The following MRPL45 variants were observed in gnomAD, a reference collection of about 807,000 sequenced individuals.
MRPL45 encodes mitochondrial ribosomal protein L45.
A neutral mutation model predicts 38.1 loss-of-function variants in MRPL45; 20 were observed. That is an observed-to-expected ratio of 0.53 (90% CI 0.37 to 0.76). The LOEUF is 0.76. Among genes scored for constraint, MRPL45 ranks in the 30% least tolerant of loss-of-function variants. The probability of loss-of-function intolerance (pLI) is 0.00; values close to 1 mark genes in which losing one functional copy is unlikely to be tolerated. For missense variants in MRPL45, 337 were observed against 395.6 expected, an observed-to-expected ratio of 0.85 and a Z score of 1.26; for synonymous variants, 105 against 128.8, an observed-to-expected ratio of 0.82 and a Z score of 1.25.
intron 3 of MRPL45, among the ~76,000 whole-genome samples, chr17:38,304,994 G>T (rs928145530): frequency 6.6e-6 from 1 of 151,410 alleles, no homozygotes. Context: ...CTACAGGCAC[G>T]TGCCATCACG....
chr17:38,319,415 C>T (rs2037208933), intron 5 of MRPL45, among the ~76,000 whole-genome samples: 1 of 151,810 alleles, frequency 6.6e-6, no homozygotes, highest in Non-Finnish European at 1.5e-5. Context: ...GTGATCCGCC[C>T]GCCTCGGCCT....
intron 6 of MRPL45, 45 bp from the exon 7 acceptor site, chr17:38,322,081 C>T (rs2037234986): frequency 1.3e-6 from 2 of 1,585,724 alleles, no homozygotes; most frequent in African/African-American, 2.7e-5. Context: ...CTCACACTCA[C>T]ACACCAAAAA....
intron 6 of MRPL45, among the ~76,000 whole-genome samples, chr17:38,321,614 C>A (rs1336574626): frequency 6.6e-6 from 1 of 151,996 alleles, no homozygotes; most frequent in Non-Finnish European, 1.5e-5. Context: ...TCGCTTGAAC[C>A]TGGAAGGCGG....
chr17:38,314,843 T>C (rs1481223056), intron 4 of MRPL45, among the ~76,000 whole-genome samples: 3 of 152,236 alleles, frequency 2.0e-5, no homozygotes, highest in Non-Finnish European at 4.4e-5. Context: ...ACAGTGGTTT[T>C]TGCAGAAATA....
rs770930141 is a variant in MRPL45, at chr17:38,297,177, G to C, written c.-7G>C. 1 of 1,614,166 alleles carries C rather than the reference G, an allele frequency of 6.2e-7. No individual in the cohort carries two copies. Among genetic ancestry groups the C allele is most frequent in the South Asian group, 1.1e-5 (1 of 91,092 alleles). ...GCTCCCTTCCCGGCGGCCTTTGCGG[G>C]AACAAGATGGCAGCCCCCATACCTC... On this transcript the variant is annotated 5_prime_UTR_variant, in exon 1 of 8. Transcript: ENST00000613675.
At chr17:38,309,623 AT>A (rs1476771972) in intron 4 of MRPL45, among the ~76,000 whole-genome samples, 184 of 6,212 alleles carry the variant, frequency 0.03, no homozygotes, top group Non-Finnish European at 0.13. Flanking sequence ...TTTTATTTTT[AT>A]TTTTTAGTTT....
intron 3 of MRPL45, among the ~76,000 whole-genome samples, chr17:38,304,012 A>G (rs1332164206): frequency 2.0e-5 from 3 of 151,968 alleles, no homozygotes; most frequent in Non-Finnish European, 1.5e-5. Flanking sequence ...AGTCTATTTC[A>G]TTACTTTGGT....
At chr17:38,320,832 G>A (rs1285747301) in intron 6 of MRPL45, 65 bp downstream of exon 6, 3 of 1,533,114 alleles carry the variant, frequency 2.0e-6, no homozygotes, top group Admixed American at 3.4e-5. Flanking sequence ...CCTCCCTCTG[G>A]AGTGCTGGGT....
At chr17:38,317,548 T>C (rs1480877144) in intron 4 of MRPL45, among the ~76,000 whole-genome samples, 1 of 152,046 alleles carries the variant, frequency 6.6e-6, no homozygotes, top group Admixed American at 6.6e-5. Flanking sequence ...CTAGGGTTTG[T>C]TGTCTGTTTT....
At chr17:38,319,182 C>T (rs908016354) in intron 5 of MRPL45, among the ~76,000 whole-genome samples, 20 of 151,970 alleles carry the variant, frequency 1.3e-4, no homozygotes, top group Non-Finnish European at 2.4e-4. Flanking sequence ...ACTACAGGCA[C>T]CCGCCAGCAC....
rs747280732 is a variant in MRPL45 at position 38,316,348 on chromosome 17, G to C, written c.462-2339G>C. On this transcript the variant is annotated intron_variant, in intron 4 of 7. Coordinates refer to ENST00000613675, the MANE Select transcript of MRPL45 (RefSeq NM_032351.6). ...CTTTTTAGCTCCAGAATTTCTGTTT[G>C]GTTCCCTTGTATAATTTCTGTCTCC... is the stretch of plus-strand genomic sequence containing the variant. 1.6e-4 allele frequency among the ~76,000 whole-genome samples: 25 copies of C among 152,054 alleles called. No individual in the cohort carries two copies. In the South Asian group the frequency reaches 1.7e-3, roughly 10 times the overall value.
intron 4 of MRPL45, 47 bp from the exon 5 acceptor site, chr17:38,318,640 G>C: frequency 7.4e-7 from 1 of 1,360,448 alleles, no homozygotes; most frequent in Non-Finnish European, 1.0e-6. Context: ...TTCATACAGG[G>C]TATTATAAGA....
At chr17:38,303,299 T>G (rs1273358241) in intron 3 of MRPL45, among the ~76,000 whole-genome samples, 4 of 145,216 alleles carry the variant, frequency 2.8e-5, no homozygotes, top group Admixed American at 6.9e-5. Context: ...AATTTTTTTT[T>G]TTTTTTTTTT....
intron 4 of MRPL45, among the ~76,000 whole-genome samples, chr17:38,314,451 T>C (rs2037155067): frequency 6.6e-6 from 1 of 152,222 alleles, no homozygotes; most frequent in Non-Finnish European, 1.5e-5. Context: ...GTTTTAAATT[T>C]TGATGAAATC....
chr17:38,299,388 T>G lies in MRPL45; in HGVS notation c.282T>G (p.Asp94Glu), dbSNP rs745850059. 2 of 1,611,444 alleles carry G rather than the reference T, an allele frequency of 1.2e-6. No individual in the cohort carries two copies. Among genetic ancestry groups the G allele is most frequent in the Non-Finnish European group, 1.7e-6 (2 of 1,179,526 alleles). The change falls in exon 3 of 8, where the codon GAT becomes GAG. Residue 94 changes from aspartate to glutamate, a missense_variant. Asp to Glu is a conservative substitution (Grantham distance 45, BLOSUM62 2). Around this residue, in one of 3 missense-constraint regions of MRPL45, gnomAD observed 60 missense variants for 109.6 expected, o/e 0.55. Transcript: ENST00000613675. ...IFDAYVPPEG[D>E]ARISSLSKEG... ...ATGCCTATGTTCCTCCTGAGGGTGA[T>G]GCACGCATATCATCTCTTTCAAAGG... is the stretch of plus-strand genomic sequence containing the variant.
At position 38,318,821 on chromosome 17, in the gene MRPL45, TC is replaced by T; in HGVS notation, c.510+87del. 1.7e-5 allele frequency: 15 copies of T among 877,208 alleles called. No homozygotes were observed. In the African/African-American group the frequency reaches 2.8e-4, roughly 16 times the overall value. 54.3% of individuals were successfully genotyped at this position (877,208 alleles called of 1,614,324 possible). On this transcript the variant is annotated intron_variant, in intron 5 of 7. Transcript: ENST00000613675. ...CTCTGGTTTTTCTTTTCTTTTCTTT[TC>T]TTTTCTTTTTTTTTTTTTTTTTGAG...
At chr17:38,316,780 T>C (rs2037177932) in intron 4 of MRPL45, among the ~76,000 whole-genome samples, 1 of 149,450 alleles carries the variant, frequency 6.7e-6, no homozygotes, top group Admixed American at 6.7e-5. Context: ...AGTGTATTTG[T>C]CTGTTTTACA....
chr17:38,305,439 C>T (rs1388055625), intron 3 of MRPL45, among the ~76,000 whole-genome samples: 1 of 147,374 alleles, frequency 6.8e-6, no homozygotes, highest in South Asian at 2.2e-4. Flanking sequence ...TGTACTCCAG[C>T]CTGTGCGACG....
rs563878380 is a variant in MRPL45 at position 38,317,749 on chromosome 17, AT to A, written c.462-933del. On this transcript the variant is annotated intron_variant, in intron 4 of 7. Transcript: ENST00000613675. The stretch of plus-strand genomic sequence containing the variant: ...ACTACTCTCGGCTAATTTTTTTTGT[AT>A]TTTTAGTAGAGATGGGGTTTCACCT... 7.3e-5 allele frequency among the ~76,000 whole-genome samples: 11 copies of A among 151,198 alleles called. 1 individual carries two copies. In the South Asian group the frequency reaches 2.3e-3, roughly 32 times the overall value.
Sources: gnomAD v4.1 joint callset for allele counts (sites outside exome capture counted in the v4.1 genomes callset) on GRCh38, gnomAD v4.1.1 for gene constraint, gnomAD v4.1.1 regional missense constraint, MANE v1.5 for transcripts, NCBI Gene and HGNC (gene_info 2026-07-23, HGNC 2026-07-21) for gene names.